The following FAAH2 variants were observed in gnomAD, a reference collection of about 807,000 sequenced individuals.
The protein encoded by FAAH2 is fatty-acid amide hydrolase 2.
A neutral mutation model predicts 36.9 loss-of-function variants in FAAH2; 60 were observed. That is an observed-to-expected ratio of 1.63 (90% CI 1.32 to 2.02). The LOEUF (loss-of-function observed/expected upper bound fraction) is 2.02, where lower values mean the gene tolerates loss of function less well. Ranked by LOEUF, FAAH2 falls within the 30% of genes most tolerant of loss-of-function variation. The pLI, the probability that FAAH2 is intolerant of heterozygous loss-of-function variation, is 0.00. For synonymous variants in FAAH2, 214 were observed against 143.8 expected, an observed-to-expected ratio of 1.49 and a Z score of -3.49; for missense variants, 689 against 397.5, an observed-to-expected ratio of 1.73 and a Z score of -6.23.
At chrX:57,152,284 T>A in the FAAH2 span, among the ~76,000 whole-genome samples, 2 of 112,165 alleles carry the variant, frequency 1.8e-5, no homozygotes, top group Admixed American at 1.9e-4. Flanking sequence ...GAACCACTAC[T>A]CTCTTCAAAG....
chrX:57,425,908 T>C (rs2056150543), intron 7 of FAAH2, among the ~76,000 whole-genome samples: 1 of 112,190 alleles, frequency 8.9e-6, no homozygotes, highest in Non-Finnish European at 1.9e-5. Context: ...ATTGGCAGAA[T>C]AGATGTTAAA....
intron 7 of FAAH2, among the ~76,000 whole-genome samples, chrX:57,400,892 G>A (rs1405917312): frequency 8.9e-6 from 1 of 111,934 alleles, no homozygotes; most frequent in East Asian, 2.8e-4. Context: ...AGAGGCTGAG[G>A]CGGGCAGATC....
intron 4 of FAAH2, among the ~76,000 whole-genome samples, chrX:57,340,879 C>T (rs1310086204): frequency 9.1e-6 from 1 of 110,475 alleles, no homozygotes; most frequent in Non-Finnish European, 1.9e-5. Context: ...TTGATCTGTG[C>T]TGCCAACCAC....
At chrX:57,409,199 A>G (rs1351060197) in intron 7 of FAAH2, among the ~76,000 whole-genome samples, 1 of 111,830 alleles carries the variant, frequency 8.9e-6, no homozygotes, top group East Asian at 2.8e-4. Flanking sequence ...ATTGACCAAA[A>G]CATCATATGC....
upstream of FAAH2, among the ~76,000 whole-genome samples, chrX:57,284,210 C>T (rs1056791643): frequency 1.8e-5 from 2 of 111,225 alleles, no homozygotes; most frequent in Non-Finnish European, 3.8e-5. Context: ...GCGGCGTGCC[C>T]GGGAAGAAAG....
At chrX:57,199,248 T>A in the FAAH2 span, among the ~76,000 whole-genome samples, 2 of 111,771 alleles carry the variant, frequency 1.8e-5, no homozygotes, top group Non-Finnish European at 3.8e-5. Flanking sequence ...TATAAACTGC[T>A]TTTGCTGTAT....
the FAAH2 span, among the ~76,000 whole-genome samples, chrX:57,195,950 T>C: frequency 8.9e-6 from 1 of 112,238 alleles, no homozygotes; most frequent in Non-Finnish European, 1.9e-5. Flanking sequence ...TTCTGGTCCA[T>C]TGGTCTATGT....
chrX:57,398,352 C>T (rs1279525196), intron 7 of FAAH2, among the ~76,000 whole-genome samples: 1 of 111,862 alleles, frequency 8.9e-6, no homozygotes, highest in Non-Finnish European at 1.9e-5. Context: ...TCTGTAATAT[C>T]TCACAGGTGT....
intron 5 of FAAH2, among the ~76,000 whole-genome samples, chrX:57,365,822 T>G (rs1039250440): frequency 8.9e-6 from 1 of 112,294 alleles, no homozygotes; most frequent in African/African-American, 3.2e-5. Context: ...TGATACTTTT[T>G]CCTCAGCTTG....
the FAAH2 span, among the ~76,000 whole-genome samples, chrX:57,183,989 T>C: frequency 9.0e-6 from 1 of 110,750 alleles, no homozygotes; most frequent in Non-Finnish European, 1.9e-5. Flanking sequence ...GACTGAGATA[T>C]GCCCTGGTCT....
At chrX:57,249,402 A>C in the FAAH2 span, among the ~76,000 whole-genome samples, 3 of 112,190 alleles carry the variant, frequency 2.7e-5, no homozygotes, top group East Asian at 8.3e-4. Flanking sequence ...ATTCTTACAC[A>C]CACCTTGTTC....
At chrX:57,401,655 G>C (rs965835858) in intron 7 of FAAH2, among the ~76,000 whole-genome samples, 5 of 111,285 alleles carry the variant, frequency 4.5e-5, no homozygotes, top group Non-Finnish European at 7.5e-5. Context: ...TCCTTGTTGG[G>C]CTTCGGGTCT....
chrX:57,228,511 C>T, the FAAH2 span, among the ~76,000 whole-genome samples: 1 of 110,977 alleles, frequency 9.0e-6, no homozygotes, highest in East Asian at 2.8e-4. Context: ...TCTCCCGTGT[C>T]CTGCAGGAGC....
chrX:57,469,082 A>C (rs1367403537), intron 10 of FAAH2, among the ~76,000 whole-genome samples: 1 of 112,132 alleles, frequency 8.9e-6, no homozygotes, highest in African/African-American at 3.2e-5. Flanking sequence ...CTGACCTACA[A>C]GAGCTCCTGA....
Position 57,488,847 on chromosome X carries a change from G to C in FAAH2, c.1514G>C (p.Gly505Ala), listed in dbSNP as rs867237317. 2 of 1,209,243 alleles carry C rather than the reference G, an allele frequency of 1.7e-6. No individual in the cohort carries two copies. The highest frequency in any genetic ancestry group is 5.9e-5 in the East Asian group (2 of 33,693). Reference protein sequence around the residue: ...GLPLGIQVVAGPFNDHLTLAV... With the variant: ...GLPLGIQVVAAPFNDHLTLAV... The stretch of plus-strand genomic sequence containing the variant: ...CCTTTAGGCATCCAGGTTGTGGCTG[G>C]ACCCTTTAATGATCATCTGACCCTG... Residue 505 changes from glycine (G) to alanine (A), a missense_variant, in exon 11 of 11, where the codon GGA (glycine) becomes GCA (alanine). Gly to Ala is a moderately conservative substitution (Grantham distance 60). Coordinates refer to ENST00000374900, the MANE Select transcript of FAAH2 (RefSeq NM_174912.4).
chrX:57,271,850 T>C, the FAAH2 span, among the ~76,000 whole-genome samples: 48,962 of 109,130 alleles, frequency 0.45, 11,201 homozygotes, highest in African/African-American at 0.88. Context: ...TCTCTTCCTC[T>C]GAAGGATCAC....
At chrX:57,350,393 C>T (rs5914978) in intron 5 of FAAH2, among the ~76,000 whole-genome samples, 58,889 of 108,973 alleles carry the variant, frequency 0.54, 14,285 homozygotes, top group Non-Finnish European at 0.75. Context: ...AGAAAGGAAT[C>T]AAATGGCACT....
Position 57,306,998 on chromosome X carries a change from C to CTATATATATAT in FAAH2, c.276-3595_276-3594insTATATATATAT, listed in dbSNP as rs1555964913. ...GTATACACACACACACACACAGATA[C>CTATATATATAT]ATATATATATATATATATAGCCTTT... On this transcript the variant is annotated intron_variant, in intron 2 of 10. Coordinates refer to ENST00000374900, the MANE Select transcript of FAAH2 (RefSeq NM_174912.4). 5.7e-5 allele frequency among the ~76,000 whole-genome samples: 2 copies of CTATATATATAT among 34,944 alleles called. 1 individual carries two copies. Among genetic ancestry groups the CTATATATATAT allele is most frequent in the African/African-American group, 1.4e-4 (2 of 14,683 alleles). The allele number at this position is 34,944 out of a possible 115,157, so 30.3% of individuals were successfully genotyped here.
chrX:57,280,797 G>T, the FAAH2 span, among the ~76,000 whole-genome samples: 2 of 112,046 alleles, frequency 1.8e-5, no homozygotes, highest in Non-Finnish European at 3.8e-5. Context: ...ATAACCAAAA[G>T]ATGTAAATGA....
Sources: allele counts gnomAD v4.1 joint callset (sites outside exome capture counted in the v4.1 genomes callset), GRCh38; gene constraint gnomAD v4.1.1; transcripts MANE v1.5; gene names NCBI Gene and HGNC (gene_info 2026-07-23, HGNC 2026-07-21).